JAKMIP1: variants seen among roughly 807,000 people sequenced by gnomAD.
JAKMIP1 encodes janus kinase and microtubule interacting protein 1, also known as janus kinase and microtubule-interacting protein 1.
Under a neutral mutation model 113.0 loss-of-function variants are expected in JAKMIP1, and 33 were observed. The ratio of observed to expected loss-of-function variants is 0.29; its 90% CI spans 0.22 to 0.39. The LOEUF is 0.39. Among genes scored for constraint, JAKMIP1 ranks in the 10% least tolerant of loss-of-function variants. The pLI, the probability that JAKMIP1 is intolerant of heterozygous loss-of-function variation, is 1.00. For synonymous variants in JAKMIP1, 480 were observed against 459.9 expected (o/e 1.04, Z -0.56); for missense variants, 813 against 1,080.5 (o/e 0.75, Z 3.47).
intron 3 of JAKMIP1, among the ~76,000 whole-genome samples, chr4:6,104,021 C>T (rs1454415451): frequency 6.6e-6 from 1 of 152,070 alleles, no homozygotes; most frequent in East Asian, 1.9e-4. Context: ...ATTTGCTGTT[C>T]TTTTTCTTTC....
chr4:6,127,485 AG>A (rs1327764903), intron 1 of JAKMIP1, among the ~76,000 whole-genome samples: 7 of 152,200 alleles, frequency 4.6e-5, no homozygotes, highest in African/African-American at 7.2e-5. Flanking sequence ...CCAGCAGGGG[AG>A]GATCGGTTGT....
rs1258241046 is a variant in JAKMIP1, at chr4:6,162,905, G to A, written c.-148+37348C>T. 1.3e-5 allele frequency among the ~76,000 whole-genome samples: 2 copies of A among 152,172 alleles called. No homozygotes were observed. Among genetic ancestry groups the A allele is most frequent in the Admixed American group, 6.5e-5 (1 of 15,276 alleles). On this transcript the variant is annotated intron_variant, in intron 1 of 20. Transcript: ENST00000409021. This position sits in a 1 kb window ranked among gnomAD's most constrained non-coding sequence, Gnocchi z 5.6. ...AGAAAGCACATCTGTACTAGCCTGC[G>A]AGCAGCAAGGCTTCCAGGCAAAGCC...
At chr4:6,045,038 C>T (rs886853385) in intron 16 of JAKMIP1, among the ~76,000 whole-genome samples, 2 of 152,238 alleles carry the variant, frequency 1.3e-5, no homozygotes, top group African/African-American at 2.4e-5. Flanking sequence ...CTCCGCGCCC[C>T]GCCTCCCAGG....
Position 6,040,512 on chromosome 4 carries a change from A to C in JAKMIP1, c.2175+127T>G. 1.4e-6 allele frequency: 1 copy of C among 723,362 alleles called. No homozygotes were observed. Among genetic ancestry groups the C allele is most frequent in the Non-Finnish European group, 2.6e-6 (1 of 391,922 alleles). The allele number at this position is 723,362 out of a possible 1,614,324, so 44.8% of individuals were successfully genotyped here. A position where few individuals can be genotyped will look rare whatever the true frequency, so the allele number is the denominator to read the frequency against. ...CGGTCATTCCAGTCACAAGGTGGAGATGGCATTTTTATCACTCCTGTTTGG... is the reference window on the plus strand; with the variant it reads ...CGGTCATTCCAGTCACAAGGTGGAGCTGGCATTTTTATCACTCCTGTTTGG... On this transcript the variant is annotated intron_variant, in intron 18 of 20. Coordinates refer to ENST00000409021, the MANE Select transcript of JAKMIP1 (RefSeq NM_001099433.2). The surrounding 1 kb of genome is among the most constrained non-coding windows in gnomAD (Gnocchi z 5.8).
Position 6,050,569 on chromosome 4 carries a change from G to C in JAKMIP1, c.1908+9C>G, listed in dbSNP as rs780936448. The C allele has an allele frequency of 6.4e-7, 1 of 1,555,480 alleles. No homozygotes were observed. Among genetic ancestry groups the C allele is most frequent in the South Asian group, 1.2e-5 (1 of 84,296 alleles). ...GGCATTCAGCAGAGGCACCCCCCAG[G>C]CACGCTACCTTAACTCCTTCCTGGT... On this transcript the variant is annotated intron_variant, in intron 14 of 20. Transcript: ENST00000409021. The surrounding 1 kb of genome is among the most constrained non-coding windows in gnomAD (Gnocchi z 7.4).
Position 6,166,960 on chromosome 4 carries a change from C to T in JAKMIP1, c.-148+33293G>A, listed in dbSNP as rs112410312. On this transcript the variant is annotated intron_variant, in intron 1 of 20. Transcript: ENST00000409021. ...CTGGGACAGCCACCCTTCCACAAAGCAAACCTGCCTCTGATCGTCATTCAG... is the reference window on the plus strand; with the variant it reads ...CTGGGACAGCCACCCTTCCACAAAGTAAACCTGCCTCTGATCGTCATTCAG... 4.0e-3 allele frequency among the ~76,000 whole-genome samples: 605 copies of T among 152,078 alleles called. 5 individuals carry two copies. Among genetic ancestry groups the T allele is most frequent in the Non-Finnish European group, 2.6e-3 (178 of 67,968 alleles).
intron 1 of JAKMIP1, among the ~76,000 whole-genome samples, chr4:6,172,430 T>C (rs1724839180): frequency 6.6e-6 from 1 of 152,068 alleles, no homozygotes; most frequent in Non-Finnish European, 1.5e-5. Context: ...GGCCAGCCCA[T>C]GTCTAAGTCC....
At position 6,097,027 on chromosome 4, in the gene JAKMIP1, ACT is replaced by A. The variant is rs760236339; in HGVS notation, c.624+8444_624+8445del. ...GAATGTATTTATTTATTCAAGACAGACTCTCTCTCTGTCACCCAGGCTGGAGT... is the reference window on the plus strand; with the variant it reads ...GAATGTATTTATTTATTCAAGACAGACTCTCTCTGTCACCCAGGCTGGAGT... On this transcript the variant is annotated intron_variant, in intron 3 of 20. Coordinates refer to ENST00000409021, the MANE Select transcript of JAKMIP1 (RefSeq NM_001099433.2). The surrounding 1 kb of genome is among the most constrained non-coding windows in gnomAD (Gnocchi z 4.3). Among the ~76,000 whole-genome samples, 3 of 151,896 alleles carry A rather than the reference ACT, an allele frequency of 2.0e-5. No homozygotes were observed. Among genetic ancestry groups the A allele is most frequent in the South Asian group, 2.1e-4 (1 of 4,822 alleles).
At chr4:6,125,896 AACACAC>A (rs143015990) in intron 1 of JAKMIP1, among the ~76,000 whole-genome samples, 24 of 1,968 alleles carry the variant, frequency 0.012, 9 homozygotes, top group East Asian at 0.077. Context: ...ACCATGCAGA[AACACAC>A]ACACACACCA....
At chr4:6,177,660 CT>C (rs1254103288) in intron 1 of JAKMIP1, among the ~76,000 whole-genome samples, 1 of 152,184 alleles carries the variant, frequency 6.6e-6, no homozygotes, top group Non-Finnish European at 1.5e-5. Context: ...ACTGCAGGGT[CT>C]GAAGCAGAGC....
chr4:6,100,423 A>C (rs920386030), intron 3 of JAKMIP1, among the ~76,000 whole-genome samples: 1 of 152,222 alleles, frequency 6.6e-6, no homozygotes, highest in Non-Finnish European at 1.5e-5. Flanking sequence ...TCAATATTTC[A>C]TACCTTCTCA....
Position 6,105,978 on chromosome 4 carries a change from A to G in JAKMIP1, c.130-11T>C. 6.4e-7 allele frequency: 1 copy of G among 1,554,820 alleles called. No individual in the cohort carries two copies. Among genetic ancestry groups the G allele is most frequent in the Non-Finnish European group, 8.7e-7 (1 of 1,144,414 alleles). On this transcript the variant is annotated splice_polypyrimidine_tract_variant and intron_variant, in intron 2 of 20. Transcript: ENST00000409021. ...GCGCAGTTTGCCCACCTGCAGCCAG[A>G]GCGGCGAGAGAGCCGGTCAGGGTCA... is the stretch of plus-strand genomic sequence containing the variant.
rs1446793682 is a variant in JAKMIP1 at position 6,155,321 on chromosome 4, G to C, written c.-147-42324C>G. The stretch of plus-strand genomic sequence containing the variant: ...CCACTCAACCACCACCACCGCGAAT[G>C]TTTACCCAGCCCTTATCCTGCGTCA... On this transcript the variant is annotated intron_variant, in intron 1 of 20. Transcript: ENST00000409021. The surrounding 1 kb of genome is among the most constrained non-coding windows in gnomAD (Gnocchi z 6.1). Among the ~76,000 whole-genome samples, 1 of 152,120 alleles carries C rather than the reference G, an allele frequency of 6.6e-6. No individual in the cohort carries two copies. The highest frequency in any genetic ancestry group is 1.5e-5 in the Non-Finnish European group (1 of 68,018).
In JAKMIP1 at chr4:6,105,935, C is replaced by A; in HGVS notation, c.162G>T (p.Ala54=). 1 of 1,608,420 alleles carries A rather than the reference C, an allele frequency of 6.2e-7. No individual in the cohort carries two copies. Among genetic ancestry groups the A allele is most frequent in the Non-Finnish European group, 8.5e-7 (1 of 1,178,250 alleles). ...GCTGCTCCTGCTCGCGCTCCAGCTT[C>A]GCCTCCTGCAGCCGCTCGCGCAGTT... ...VGKLRERLQE[A]KLEREQEQRR... is the part of the protein sequence containing the mutation. The change falls in exon 3 of 21, where the codon GCG becomes GCT. Residue 54 remains alanine, a synonymous_variant. Transcript: ENST00000409021.
At chr4:6,071,875 G>A (rs1719004296) in intron 8 of JAKMIP1, among the ~76,000 whole-genome samples, 1 of 152,176 alleles carries the variant, frequency 6.6e-6, no homozygotes, top group South Asian at 2.1e-4. Flanking sequence ...GCCCCCAGCA[G>A]GTGGGACATG....
At position 6,040,273 on chromosome 4, in the gene JAKMIP1, T is replaced by C. The variant is rs375552627; in HGVS notation, c.2175+366A>G. Among the ~76,000 whole-genome samples, 6 of 152,234 alleles carry C rather than the reference T, an allele frequency of 3.9e-5. No homozygotes were observed. Among genetic ancestry groups the C allele is most frequent in the African/African-American group, 1.2e-4 (5 of 41,460 alleles). ...TCTAATTGCTTTACCTCTGCGTTCC[T>C]TTGTGATCATCTCTTTTTCCTATTT... On this transcript the variant is annotated intron_variant, in intron 18 of 20. Transcript: ENST00000409021. The surrounding 1 kb of genome is among the most constrained non-coding windows in gnomAD (Gnocchi z 5.8).
intron 18 of JAKMIP1, among the ~76,000 whole-genome samples, chr4:6,037,503 T>G (rs80071050): frequency 5.0e-4 from 48 of 95,554 alleles, no homozygotes; most frequent in African/African-American, 6.0e-4. Flanking sequence ...CATCACTGAG[T>G]CAGAGGTTAA....
rs1251077464 is a variant in JAKMIP1, at chr4:6,180,892, G to A, written c.-148+19361C>T. ...TTTTCTTTTTCAACTGCTACTTGCT[G>A]GCTCTTGGCCAACTCATTGCATCAT... On this transcript the variant is annotated intron_variant, in intron 1 of 20. Coordinates refer to ENST00000409021, the MANE Select transcript of JAKMIP1 (RefSeq NM_001099433.2). The surrounding 1 kb of genome is among the most constrained non-coding windows in gnomAD (Gnocchi z 4.5). Among the ~76,000 whole-genome samples the A allele has an allele frequency of 6.6e-6, 1 of 152,100 alleles. No homozygotes were observed. Among genetic ancestry groups the A allele is most frequent in the Admixed American group, 6.5e-5 (1 of 15,270 alleles).
In JAKMIP1 at chr4:6,141,334, G is replaced by C. The variant is rs1720123177; in HGVS notation, c.-147-28337C>G. ...ATCTGTAATCCCAGCTACTTGACAG[G>C]CTGAGGCAGGAGAATTGCTTGAACC... On this transcript the variant is annotated intron_variant, in intron 1 of 20. Coordinates refer to ENST00000409021, the MANE Select transcript of JAKMIP1 (RefSeq NM_001099433.2). This position sits in a 1 kb window ranked among gnomAD's most constrained non-coding sequence, Gnocchi z 9.4. Among the ~76,000 whole-genome samples, 1 of 152,134 alleles carries C rather than the reference G, an allele frequency of 6.6e-6. No individual in the cohort carries two copies. The highest frequency in any genetic ancestry group is 1.5e-5 in the Non-Finnish European group (1 of 68,036).
Sources: gnomAD v4.1 joint callset for allele counts (sites outside exome capture counted in the v4.1 genomes callset) on GRCh38, gnomAD v4.1.1 for gene constraint, Gnocchi (gnomAD v3.1) non-coding constraint, MANE v1.5 for transcripts, NCBI Gene and HGNC (gene_info 2026-07-23, HGNC 2026-07-21) for gene names.